CLDN10: variants seen among roughly 807,000 people sequenced by gnomAD.
CLDN10 encodes the protein claudin-10.
In CLDN10, 15 loss-of-function variants were observed where a neutral mutation model predicts 22.9. The observed-to-expected ratio is 0.65, with a 90% CI of 0.44 to 1.01. CLDN10 has a LOEUF of 1.01. Ranked by LOEUF, CLDN10 falls within the 50% of genes least tolerant of loss-of-function variation. CLDN10 has a pLI of 0.00. For synonymous variants in CLDN10, 114 were observed against 111.4 expected, an observed-to-expected ratio of 1.02 and a Z score of -0.15; for missense variants, 247 against 287.8, an observed-to-expected ratio of 0.86 and a Z score of 1.03.
At chr13:95,568,067 C>T (rs1384464276) in intron 3 of CLDN10, among the ~76,000 whole-genome samples, 3 of 152,120 alleles carry the variant, frequency 2.0e-5, no homozygotes, top group Non-Finnish European at 4.4e-5. Flanking sequence ...GAATATTGAC[C>T]TCATCAGGTG....
At chr13:95,565,950 T>A (rs1488576119) in intron 3 of CLDN10, among the ~76,000 whole-genome samples, 4 of 152,214 alleles carry the variant, frequency 2.6e-5, no homozygotes, top group Non-Finnish European at 1.5e-5. Flanking sequence ...GCCAAGGACA[T>A]GAACTCATCC....
chr13:95,496,581 G>C (rs2042932061), intron 1 of CLDN10, among the ~76,000 whole-genome samples: 2 of 152,206 alleles, frequency 1.3e-5, no homozygotes, highest in African/African-American at 4.8e-5. Flanking sequence ...TCACGGTCAA[G>C]GGCCGGCAGA....
At chr13:95,574,697 G>C (rs1277763683) in intron 3 of CLDN10, among the ~76,000 whole-genome samples, 1 of 152,122 alleles carries the variant, frequency 6.6e-6, no homozygotes, top group Non-Finnish European at 1.5e-5. Flanking sequence ...TTGAACTCGG[G>C]AGGTGGAGGT....
intron 1 of CLDN10, among the ~76,000 whole-genome samples, chr13:95,515,514 C>G (rs535710422): frequency 5.9e-5 from 9 of 152,218 alleles, no homozygotes; most frequent in Admixed American, 5.9e-4. Context: ...AATGGACTGC[C>G]TTTTGTGGCA....
chr13:95,464,097 A>AAT lies in CLDN10; in HGVS notation c.214+30065_214+30066dup, dbSNP rs560024935. 4.7e-3 allele frequency among the ~76,000 whole-genome samples: 701 copies of AAT among 148,888 alleles called. 6 individuals carry two copies. Among genetic ancestry groups the AAT allele is most frequent in the African/African-American group, 0.015 (610 of 40,820 alleles). ...CAAGACAGACCCATGATTTTTTTTA[A>AAT]ATATATATATATATATTTATTATAT... On this transcript the variant is annotated intron_variant, in intron 1 of 4. Coordinates refer to the CLDN10 transcript ENST00000376873.
intron 1 of CLDN10, among the ~76,000 whole-genome samples, chr13:95,532,241 G>A (rs1260118120): frequency 6.6e-6 from 1 of 152,100 alleles, no homozygotes; most frequent in Non-Finnish European, 1.5e-5. Context: ...TACACTGAGA[G>A]AACATATTCA....
chr13:95,556,670 T>A (rs774869603), intron 1 of CLDN10, among the ~76,000 whole-genome samples: 2 of 152,156 alleles, frequency 1.3e-5, no homozygotes, highest in Admixed American at 6.5e-5. Flanking sequence ...CTTGGGTAAA[T>A]AGAAGCACCA....
intron 1 of CLDN10, among the ~76,000 whole-genome samples, chr13:95,435,797 T>C (rs1370748203): frequency 6.6e-6 from 1 of 152,038 alleles, no homozygotes; most frequent in East Asian, 1.9e-4. Flanking sequence ...TTGTTTTTAA[T>C]TGGGTTCATT....
At chr13:95,577,525 C>T (rs1346279106) in intron 4 of CLDN10, among the ~76,000 whole-genome samples, 187 bp downstream of exon 4, 1 of 152,130 alleles carries the variant, frequency 6.6e-6, no homozygotes, top group Non-Finnish European at 1.5e-5. Flanking sequence ...AAAATTCTAA[C>T]GTAGAAATAA....
At chr13:95,570,867 T>TATATATATATATA (rs1555301079) in intron 3 of CLDN10, among the ~76,000 whole-genome samples, 4 of 145,622 alleles carry the variant, frequency 2.7e-5, no homozygotes, top group Non-Finnish European at 6.0e-5. Context: ...TGTATATATA[T>TATATATATATATA]ATATATATAT....
intron 1 of CLDN10, among the ~76,000 whole-genome samples, chr13:95,542,983 G>A (rs1321859862): frequency 6.6e-6 from 1 of 151,440 alleles, no homozygotes; most frequent in East Asian, 2.0e-4. Context: ...TGTAATCCCA[G>A]CACTTTGGGA....
intron 1 of CLDN10, among the ~76,000 whole-genome samples, chr13:95,474,564 A>C (rs953218709): frequency 3.9e-5 from 6 of 152,150 alleles, no homozygotes; most frequent in Non-Finnish European, 8.8e-5. Flanking sequence ...TCAGTCAGGG[A>C]AGATAAGAAC....
At chr13:95,495,218 G>A (rs1328000523) in intron 1 of CLDN10, among the ~76,000 whole-genome samples, 1 of 151,476 alleles carries the variant, frequency 6.6e-6, no homozygotes, top group Non-Finnish European at 1.5e-5. Flanking sequence ...GTATTTTTTT[G>A]TAGTGACGGG....
At chr13:95,549,146 A>G (rs2043539607), upstream of CLDN10, among the ~76,000 whole-genome samples, 2 of 152,242 alleles carry the variant, frequency 1.3e-5, no homozygotes, top group Non-Finnish European at 2.9e-5. Context: ...TTTATAGATC[A>G]GTTAGTAGTT....
At position 95,559,717 on chromosome 13, in the gene CLDN10, T is replaced by C. The variant is rs1177269194; in HGVS notation, c.221-415T>C. On this transcript the variant is annotated intron_variant, in intron 1 of 4. Coordinates refer to ENST00000299339, the MANE Select transcript of CLDN10 (RefSeq NM_006984.5). ...TCCAATGAGCGGAGGAGCTACAGAG[T>C]TGTGATGGTGGCAGATGATGTTTTT... 2.0e-5 allele frequency among the ~76,000 whole-genome samples: 3 copies of C among 152,044 alleles called. No homozygotes were observed. In the East Asian group the frequency reaches 5.8e-4, roughly 29 times the overall value.
chr13:95,444,096 T>A (rs2042349196), intron 1 of CLDN10, among the ~76,000 whole-genome samples: 1 of 152,178 alleles, frequency 6.6e-6, no homozygotes, highest in Admixed American at 6.5e-5. Context: ...GGTTCATAGC[T>A]CCTCTCCCTG....
At chr13:95,573,046 T>G (rs1383805661) in intron 3 of CLDN10, among the ~76,000 whole-genome samples, 1 of 152,202 alleles carries the variant, frequency 6.6e-6, no homozygotes, top group Non-Finnish European at 1.5e-5. Context: ...CAGCTCAACA[T>G]GAAATGAGAG....
chr13:95,554,516 C>G lies in CLDN10; in HGVS notation c.220+1543C>G, dbSNP rs147043954. 2.9e-3 allele frequency among the ~76,000 whole-genome samples: 448 copies of G among 152,086 alleles called. 1 individual carries two copies. The highest frequency in any genetic ancestry group is 0.01 in the African/African-American group (418 of 41,460). On this transcript the variant is annotated intron_variant, in intron 1 of 4. Transcript: ENST00000299339. The stretch of plus-strand genomic sequence containing the variant: ...CATACCTGTTTGGGGGCAGATCGGG[C>G]CGGGAGTGAAGAGGAAGTAGGAATA...
intron 1 of CLDN10, among the ~76,000 whole-genome samples, chr13:95,544,885 T>G (rs775324477): frequency 2.0e-5 from 3 of 151,982 alleles, no homozygotes; most frequent in Non-Finnish European, 2.9e-5. Flanking sequence ...CAAGCAATTC[T>G]CCTGCCTCAG....
Sources: allele counts gnomAD v4.1 joint callset (sites outside exome capture counted in the v4.1 genomes callset), GRCh38; gene constraint gnomAD v4.1.1; transcripts MANE v1.5; gene names NCBI Gene and HGNC (gene_info 2026-07-23, HGNC 2026-07-21).